AK9: variants seen among roughly 807,000 people sequenced by gnomAD.
AK9 encodes the protein adenylate kinase domain containing 1.
A neutral mutation model predicts 239.6 loss-of-function variants in AK9; 191 were observed. The ratio of observed to expected loss-of-function variants is 0.80; its 90% CI spans 0.71 to 0.90. The LOEUF (loss-of-function observed/expected upper bound fraction) is 0.90. AK9 is among the 40% of genes least tolerant of loss of function. AK9 has a pLI of 0.00. For synonymous variants in AK9, 689 were observed against 721.0 expected (o/e 0.96, Z 0.71); for missense variants, 1,995 against 2,214.7 (o/e 0.90, Z 1.99).
At chr6:109,598,217 T>A (rs1441244550) in intron 17 of AK9, among the ~76,000 whole-genome samples, 56 of 132,368 alleles carry the variant, frequency 4.2e-4, no homozygotes, top group Non-Finnish European at 7.5e-4. Flanking sequence ...ATGCTATCCC[T>A]CCCCCCTCCC....
At chr6:109,530,742 C>T (rs1342428756) in intron 28 of AK9, among the ~76,000 whole-genome samples, 1 of 152,160 alleles carries the variant, frequency 6.6e-6, no homozygotes, top group Non-Finnish European at 1.5e-5. Context: ...GGCATTACTC[C>T]ACTCTAGAGG....
At chr6:109,592,414 G>T (rs567124115) in intron 17 of AK9, among the ~76,000 whole-genome samples, 40 of 151,300 alleles carry the variant, frequency 2.6e-4, no homozygotes, top group Non-Finnish European at 3.4e-4. Context: ...AAGGTTTCTG[G>T]TGAGAAGTCT....
At chr6:109,510,827 T>C (rs1237128638) in intron 32 of AK9, among the ~76,000 whole-genome samples, 2 of 152,136 alleles carry the variant, frequency 1.3e-5, no homozygotes, top group Non-Finnish European at 2.9e-5. Context: ...TAGTACCCAA[T>C]AGATAGTAAA....
At chr6:109,669,188 C>T (rs1415504199) in intron 5 of AK9, among the ~76,000 whole-genome samples, 4 of 150,924 alleles carry the variant, frequency 2.7e-5, no homozygotes, top group African/African-American at 9.7e-5. Context: ...CATGATTTGG[C>T]TGTTTGTTAT....
chr6:109,614,430 C>T lies in AK9; in HGVS notation c.1450G>A (p.Gly484Arg). Residue 484 changes from glycine to arginine, a missense_variant, in exon 14 of 41, where the codon GGA becomes AGA. By Grantham distance (125) the Gly-to-Arg change is moderately radical. Transcript: ENST00000424296. ...FQRQYEKMEF[G>R]VFPMEATHSS... Reference sequence around the variant, plus strand: ...TGTGTTGCCTCCATTGGGAATACTCCAAACTCCATTTTTTCATATTGCCTT... The same window carrying T: ...TGTGTTGCCTCCATTGGGAATACTCTAAACTCCATTTTTTCATATTGCCTT... 1 of 1,551,300 alleles carries T rather than the reference C, an allele frequency of 6.4e-7. No individual in the cohort carries two copies. The highest frequency in any genetic ancestry group is 8.7e-7 in the Non-Finnish European group (1 of 1,146,754).
intron 32 of AK9, 34 bp downstream of exon 32, chr6:109,514,190 T>A (rs907122375): frequency 6.5e-7 from 1 of 1,529,546 alleles, no homozygotes; most frequent in African/African-American, 1.4e-5. Flanking sequence ...GATTCTTTTA[T>A]GCTTGAGGAA....
chr6:109,540,312 C>T (rs1278119991), intron 27 of AK9, among the ~76,000 whole-genome samples: 1 of 152,212 alleles, frequency 6.6e-6, no homozygotes, highest in African/African-American at 2.4e-5. Flanking sequence ...GTGGGTGCCC[C>T]TCCCCCAGCC....
intron 31 of AK9, among the ~76,000 whole-genome samples, chr6:109,515,240 T>A (rs930396879): frequency 1.3e-5 from 2 of 152,214 alleles, no homozygotes; most frequent in Non-Finnish European, 2.9e-5. Context: ...CAAATCCCAC[T>A]GGGTTCTCTT....
intron 24 of AK9, among the ~76,000 whole-genome samples, chr6:109,556,968 CTG>C (rs1283111300): frequency 6.6e-6 from 1 of 152,072 alleles, no homozygotes; most frequent in African/African-American, 2.4e-5. Context: ...TACCTATCTT[CTG>C]AATCCTACCT....
chr6:109,497,354 A>ACT lies in AK9; in HGVS notation c.5315+110_5315+111insAG, dbSNP rs1202623620. The ACT allele has an allele frequency of 3.3e-3, 1,964 of 603,314 alleles. 16 individuals carry two copies. The highest frequency in any genetic ancestry group is 0.02 in the East Asian group (514 of 25,590). 37.4% of individuals were successfully genotyped at this position (603,314 alleles called of 1,614,324 possible). A position where few individuals can be genotyped will look rare whatever the true frequency, so the allele number is the denominator to read the frequency against. ...CACACACACACACACACACACACACACACACACACTCTCTCTCTCTCTCTC... is the reference window on the plus strand; with the variant it reads ...CACACACACACACACACACACACACACTCACACACACTCTCTCTCTCTCTCTC... On this transcript the variant is annotated intron_variant, in intron 38 of 40. Coordinates refer to ENST00000424296, the MANE Select transcript of AK9 (RefSeq NM_001145128.3).
rs1444926280 is a variant in AK9 at position 109,619,081 on chromosome 6, AG to A, written c.1399+10del. Reference sequence around the variant, plus strand: ...TAAACTTAAAACACACATTTTAAAAAGATGTTTCACCTTGTTTTCTAGCTTG... The same window carrying A: ...TAAACTTAAAACACACATTTTAAAAAATGTTTCACCTTGTTTTCTAGCTTG... On this transcript the variant is annotated intron_variant, in intron 13 of 40. Coordinates refer to ENST00000424296, the MANE Select transcript of AK9 (RefSeq NM_001145128.3). The A allele has an allele frequency of 2.0e-6, 3 of 1,527,928 alleles. No homozygotes were observed. Among genetic ancestry groups the A allele is most frequent in the Non-Finnish European group, 2.6e-6 (3 of 1,140,344 alleles). The allele number at this position is 1,527,928 out of a possible 1,614,324, so 94.6% of individuals were successfully genotyped here.
chr6:109,587,351 C>T (rs1005733982), intron 17 of AK9, among the ~76,000 whole-genome samples: 14 of 152,286 alleles, frequency 9.2e-5, no homozygotes, highest in African/African-American at 3.4e-4. Flanking sequence ...AATTTCTCCA[C>T]CTCATTCAAC....
intron 5 of AK9, among the ~76,000 whole-genome samples, chr6:109,668,272 A>G (rs891023995): frequency 2.7e-5 from 4 of 150,634 alleles, no homozygotes; most frequent in African/African-American, 9.8e-5. Context: ...AATTTGTTTG[A>G]GTTCTTTGTA....
chr6:109,586,607 T>C (rs890426793), intron 17 of AK9, among the ~76,000 whole-genome samples: 2 of 152,102 alleles, frequency 1.3e-5, no homozygotes, highest in Non-Finnish European at 2.9e-5. Context: ...CTGGTCCAGC[T>C]TGCCTTTTCA....
chr6:109,645,062 T>C (rs941092105), intron 8 of AK9, among the ~76,000 whole-genome samples: 1 of 152,210 alleles, frequency 6.6e-6, no homozygotes, highest in African/African-American at 2.4e-5. Context: ...ACTAGCATCA[T>C]TTAGAAGATA....
chr6:109,656,017 C>T (rs569666797), intron 8 of AK9, among the ~76,000 whole-genome samples: 1 of 152,164 alleles, frequency 6.6e-6, no homozygotes, highest in East Asian at 1.9e-4. Flanking sequence ...GAAACACATT[C>T]TTTAGTTTCT....
chr6:109,536,715 A>C (rs1446589039), intron 27 of AK9, among the ~76,000 whole-genome samples: 3 of 152,170 alleles, frequency 2.0e-5, no homozygotes, highest in Admixed American at 2.0e-4. Context: ...GTTTTTGCCC[A>C]TTCAGTATGA....
rs1784207332 is a variant in AK9 at position 109,550,289 on chromosome 6, A to C, written c.2765T>G (p.Met922Arg). 2 of 1,609,974 alleles carry C rather than the reference A, an allele frequency of 1.2e-6. No homozygotes were observed. Among genetic ancestry groups the C allele is most frequent in the African/African-American group, 2.7e-5 (2 of 74,814 alleles). ...EEEEEEGEDKMKERKRHLGDT... is the reference protein window; with the variant it reads ...EEEEEEGEDKRKERKRHLGDT... ...TCCCAAATGCCTCTTTCTCTCCTTCATTTTATCTTCACCCTAGAAACGGTA... is the reference window on the plus strand; with the variant it reads ...TCCCAAATGCCTCTTTCTCTCCTTCCTTTTATCTTCACCCTAGAAACGGTA... The change falls in exon 25 of 41, where the codon ATG (methionine) becomes AGG (arginine). Residue 922 changes from methionine (M) to arginine (R), a missense_variant. Physicochemically the swap from Met to Arg is moderately conservative, Grantham distance 91. Coordinates refer to ENST00000424296, the MANE Select transcript of AK9 (RefSeq NM_001145128.3).
chr6:109,543,290 G>GATTA (rs1783118629), intron 26 of AK9, among the ~76,000 whole-genome samples: 4 of 151,978 alleles, frequency 2.6e-5, no homozygotes, highest in Non-Finnish European at 1.5e-5. Context: ...CGGGAAGCAG[G>GATTA]ATTAATTTTA....
Sources: gnomAD v4.1 joint callset for allele counts (sites outside exome capture counted in the v4.1 genomes callset) on GRCh38, gnomAD v4.1.1 for gene constraint, MANE v1.5 for transcripts, NCBI Gene and HGNC (gene_info 2026-07-23, HGNC 2026-07-21) for gene names.